KCNIP4: variants seen among roughly 807,000 people sequenced by gnomAD.
The protein encoded by KCNIP4 is Kv channel-interacting protein 4.
KCNIP4 carries 12 observed loss-of-function variants against 34.0 expected under a neutral mutation model. The ratio of observed to expected loss-of-function variants is 0.35; its 90% CI spans 0.23 to 0.57. The LOEUF is 0.57. KCNIP4 is among the 20% of genes least tolerant of loss of function. KCNIP4 has a pLI of 0.83. For synonymous variants in KCNIP4, 124 were observed against 102.2 expected, an observed-to-expected ratio of 1.21 and a Z score of -1.29; for missense variants, 238 against 311.7, an observed-to-expected ratio of 0.76 and a Z score of 1.78.
intron 1 of KCNIP4, among the ~76,000 whole-genome samples, chr4:21,783,615 G>C (rs1285708543): frequency 6.6e-6 from 1 of 151,994 alleles, no homozygotes; most frequent in African/African-American, 2.4e-5. Context: ...AAAAAATAAA[G>C]GTAGGACATC....
At chr4:21,497,335 C>A (rs185299099) in intron 1 of KCNIP4, among the ~76,000 whole-genome samples, 1 of 152,270 alleles carries the variant, frequency 6.6e-6, no homozygotes, top group Non-Finnish European at 1.5e-5. Flanking sequence ...TATTGCCCCT[C>A]TGTTATTTCT....
At chr4:21,078,314 CATT>C (rs529812094) in intron 1 of KCNIP4, among the ~76,000 whole-genome samples, 3 of 152,024 alleles carry the variant, frequency 2.0e-5, no homozygotes, top group Non-Finnish European at 2.9e-5. Context: ...CTATAACAAA[CATT>C]ATGCTGAGTG....
chr4:21,074,270 A>G (rs1363957895), intron 1 of KCNIP4, among the ~76,000 whole-genome samples: 1 of 151,956 alleles, frequency 6.6e-6, no homozygotes, highest in Non-Finnish European at 1.5e-5. Context: ...CTAGTCCTGG[A>G]CTTTTTTTGG....
chr4:21,750,442 T>C (rs914301936), intron 1 of KCNIP4, among the ~76,000 whole-genome samples: 8 of 152,150 alleles, frequency 5.3e-5, no homozygotes, highest in African/African-American at 1.7e-4. Context: ...CATTTCCAGT[T>C]CCCTCAAATA....
chr4:21,519,575 T>A lies in KCNIP4; in HGVS notation c.61+428996A>T, dbSNP rs1472364677. On this transcript the variant is annotated intron_variant, in intron 1 of 8. Transcript: ENST00000382152. Reference sequence around the variant, plus strand: ...ATGTGTGTATGTGTATATATACACATATGTGTGTGTATGTATGTGTATATA... The same window carrying A: ...ATGTGTGTATGTGTATATATACACAAATGTGTGTGTATGTATGTGTATATA... 1.8e-3 allele frequency among the ~76,000 whole-genome samples: 54 copies of A among 30,058 alleles called. 5 individuals carry two copies. The highest frequency in any genetic ancestry group is 0.016 in the Middle Eastern group (1 of 62). 19.7% of individuals were successfully genotyped at this position (30,058 alleles called of 152,430 possible).
At chr4:21,117,300 CGGGGGGGG>C (rs372039728) in intron 1 of KCNIP4, among the ~76,000 whole-genome samples, 2,034 of 32,622 alleles carry the variant, frequency 0.062, 157 homozygotes, top group African/African-American at 0.16. Flanking sequence ...CCGGGGTTGC[CGGGGGGGG>C]GGGGGGGGGG....
intron 1 of KCNIP4, among the ~76,000 whole-genome samples, chr4:20,951,414 C>T (rs539281780): frequency 6.6e-6 from 1 of 152,050 alleles, no homozygotes; most frequent in Non-Finnish European, 1.5e-5. Flanking sequence ...TTCAAAAGTC[C>T]TTGGAAATGG....
chr4:20,818,019 G>A (rs1287620474), intron 3 of KCNIP4, among the ~76,000 whole-genome samples: 1 of 152,074 alleles, frequency 6.6e-6, no homozygotes, highest in Non-Finnish European at 1.5e-5. Flanking sequence ...ATGTTCACAG[G>A]GTTAACTGAA....
intron 1 of KCNIP4, among the ~76,000 whole-genome samples, chr4:21,302,930 T>C (rs542462475): frequency 1.2e-4 from 19 of 152,338 alleles, no homozygotes; most frequent in Non-Finnish European, 2.8e-4. Context: ...AAGGAAAATA[T>C]CTAAACATAA....
intron 1 of KCNIP4, among the ~76,000 whole-genome samples, chr4:21,639,560 T>G (rs1243535124): frequency 8.3e-6 from 1 of 119,974 alleles, no homozygotes; most frequent in East Asian, 2.0e-4. Context: ...GAAAGGTCAA[T>G]CTGACAAGAA....
At chr4:21,265,975 T>C (rs774658132) in intron 1 of KCNIP4, among the ~76,000 whole-genome samples, 1 of 152,252 alleles carries the variant, frequency 6.6e-6, no homozygotes, top group South Asian at 2.1e-4. Context: ...CTCATTTCCA[T>C]TGTGCTAGCA....
At chr4:21,233,992 C>T (rs1477621257) in intron 1 of KCNIP4, among the ~76,000 whole-genome samples, 1 of 125,364 alleles carries the variant, frequency 8.0e-6, no homozygotes, top group African/African-American at 3.1e-5. Context: ...TAACATATAA[C>T]ATGTATAATA....
At chr4:21,230,698 C>A (rs1004021910) in intron 1 of KCNIP4, among the ~76,000 whole-genome samples, 4 of 152,102 alleles carry the variant, frequency 2.6e-5, no homozygotes, top group African/African-American at 7.2e-5. Context: ...ACATCTCATT[C>A]CTTTTTATGG....
At position 21,391,626 on chromosome 4, in the gene KCNIP4, C is replaced by T. The variant is rs79173563; in HGVS notation, c.62-508917G>A. Among the ~76,000 whole-genome samples the T allele has an allele frequency of 2.6e-3, 397 of 152,244 alleles. 12 individuals are homozygous for T. The East Asian group carries it at 0.067, about 26-fold the overall frequency. On this transcript the variant is annotated intron_variant, in intron 1 of 8. Coordinates refer to ENST00000382152, the MANE Select transcript of KCNIP4 (RefSeq NM_025221.6). ...GCTCCACCATCCCAGCCTCACTTGA[C>T]GCCATTCCCTAACCCTGTACATCAC...
chr4:21,787,008 G>A (rs1241243523), intron 1 of KCNIP4, among the ~76,000 whole-genome samples: 2 of 152,148 alleles, frequency 1.3e-5, no homozygotes. Flanking sequence ...ATAAATATGT[G>A]TATAGACAGT....
chr4:21,948,753 AG>A lies in KCNIP4; in HGVS notation c.-123del. 1 of 1,201,740 alleles carries A rather than the reference AG, an allele frequency of 8.3e-7. No individual in the cohort carries two copies. Among genetic ancestry groups the A allele is most frequent in the Non-Finnish European group, 1.0e-6 (1 of 956,718 alleles). The allele number at this position is 1,201,740 out of a possible 1,614,324, so 74.4% of individuals were successfully genotyped here. On this transcript the variant is annotated 5_prime_UTR_variant, in exon 1 of 9. Coordinates refer to ENST00000382152, the MANE Select transcript of KCNIP4 (RefSeq NM_025221.6). ...GGGGGCGTCCGTGGCGCTGGGAGCGAGAGCTTCGGCGGCGGCTGCGGGCAGG... is the reference window on the plus strand; with the variant it reads ...GGGGGCGTCCGTGGCGCTGGGAGCGAAGCTTCGGCGGCGGCTGCGGGCAGG...
chr4:21,088,759 G>C (rs1746700388), intron 1 of KCNIP4, among the ~76,000 whole-genome samples: 1 of 152,010 alleles, frequency 6.6e-6, no homozygotes. Context: ...TCTCTCCCTA[G>C]ACAAGATCAG....
intron 1 of KCNIP4, among the ~76,000 whole-genome samples, chr4:21,586,250 T>C (rs1415829697): frequency 2.6e-5 from 4 of 152,154 alleles, no homozygotes; most frequent in Admixed American, 2.6e-4. Context: ...TTTAAGTGTG[T>C]ATTCATTTTT....
intron 1 of KCNIP4, among the ~76,000 whole-genome samples, chr4:21,917,543 G>A (rs552197529): frequency 3.3e-5 from 5 of 152,330 alleles, no homozygotes; most frequent in African/African-American, 9.6e-5. Context: ...AAAAGGCTTA[G>A]AGAAGTTAAG....
Sources: allele counts gnomAD v4.1 joint callset (sites outside exome capture counted in the v4.1 genomes callset), GRCh38; gene constraint gnomAD v4.1.1; transcripts MANE v1.5; gene names NCBI Gene and HGNC (gene_info 2026-07-23, HGNC 2026-07-21).